The following KDM4C variants were observed in gnomAD, a reference collection of about 807,000 sequenced individuals.
The protein encoded by KDM4C is lysine demethylase 4C.
In KDM4C, 81 loss-of-function variants were observed where a neutral mutation model predicts 129.3. The observed-to-expected ratio is 0.63, with a 90% CI of 0.52 to 0.75. The LOEUF (loss-of-function observed/expected upper bound fraction) is 0.75. KDM4C is among the 30% of genes least tolerant of loss of function. The pLI, the probability that KDM4C is intolerant of heterozygous loss-of-function variation, is 0.00. For missense variants in KDM4C, 1,457 were observed against 1,304.0 expected (o/e 1.12, Z -1.81); for synonymous variants, 573 against 456.1 (o/e 1.26, Z -3.26).
At chr9:6,882,772 T>TTGTGTGTGTGTGTGTGTGTGTG (rs3072026) in intron 6 of KDM4C, among the ~76,000 whole-genome samples, 1 of 149,642 alleles carries the variant, frequency 6.7e-6, no homozygotes, top group Non-Finnish European at 1.5e-5. Context: ...TTTTAAGCAT[T>TTGTGTGTGTGTGTGTGTGTGTG]TGTGTGTGTG....
chr9:7,118,980 C>G (rs994675476), intron 18 of KDM4C, among the ~76,000 whole-genome samples: 2 of 152,174 alleles, frequency 1.3e-5, no homozygotes, highest in Admixed American at 1.3e-4. Flanking sequence ...GCCCTTCCCC[C>G]TGTGCTCTTG....
Position 7,166,202 on chromosome 9 carries a change from G to A in KDM4C, c.2901+845G>A, listed in dbSNP as rs116245393. On this transcript the variant is annotated intron_variant, in intron 20 of 21. Coordinates refer to ENST00000381309, the MANE Select transcript of KDM4C (RefSeq NM_015061.6). ...AAGGAGAAAAAGCAAGAAGGTTCAG[G>A]CCTGTTGAAAAACAGCTTGAGAATG... Among the ~76,000 whole-genome samples, 1,375 of 152,290 alleles carry A rather than the reference G, an allele frequency of 9.0e-3. 21 individuals carry two copies. The highest frequency in any genetic ancestry group is 0.031 in the African/African-American group (1,302 of 41,564).
chr9:6,965,557 C>T (rs1380115916), intron 8 of KDM4C, among the ~76,000 whole-genome samples: 2 of 152,186 alleles, frequency 1.3e-5, no homozygotes, highest in South Asian at 2.1e-4. Context: ...CAAGACTCTG[C>T]AGTCAATAAG....
At chr9:6,876,220 T>C (rs1843533134) in intron 5 of KDM4C, among the ~76,000 whole-genome samples, 1 of 152,184 alleles carries the variant, frequency 6.6e-6, no homozygotes. Context: ...GCTCACCTCA[T>C]TGCCTTGTAG....
At chr9:6,914,450 G>T (rs180933252) in intron 8 of KDM4C, among the ~76,000 whole-genome samples, 1 of 152,164 alleles carries the variant, frequency 6.6e-6, no homozygotes, top group Non-Finnish European at 1.5e-5. Context: ...TTGTAATACC[G>T]TTATGATATG....
At chr9:6,744,461 G>A (rs182383428) in intron 1 of KDM4C, among the ~76,000 whole-genome samples, 3 of 152,224 alleles carry the variant, frequency 2.0e-5, no homozygotes, top group Admixed American at 1.3e-4. Flanking sequence ...GGAGGCGGAG[G>A]TTGCAGTGAG....
chr9:6,794,642 A>G (rs551347846), intron 2 of KDM4C, among the ~76,000 whole-genome samples: 104 of 152,328 alleles, frequency 6.8e-4, no homozygotes, highest in African/African-American at 2.3e-3. Flanking sequence ...TGAAGAGCCA[A>G]TGGTGACCCA....
intron 12 of KDM4C, among the ~76,000 whole-genome samples, chr9:7,000,339 T>C (rs1300188618): frequency 6.6e-6 from 1 of 152,224 alleles, no homozygotes; most frequent in East Asian, 1.9e-4. Context: ...ATGCTGTTGC[T>C]TTCTGTATTT....
intron 12 of KDM4C, among the ~76,000 whole-genome samples, chr9:6,992,609 T>A (rs915581984): frequency 6.6e-6 from 1 of 152,214 alleles, no homozygotes; most frequent in Non-Finnish European, 1.5e-5. Context: ...ACTTGAATGT[T>A]ACCTTAGCCA....
chr9:6,759,435 C>T (rs1193161215), intron 1 of KDM4C, among the ~76,000 whole-genome samples: 3 of 152,164 alleles, frequency 2.0e-5, no homozygotes, highest in Admixed American at 6.5e-5. Context: ...GCGATTATCG[C>T]TTGCTTTCTT....
chr9:7,139,217 A>G (rs1010227655), intron 19 of KDM4C, among the ~76,000 whole-genome samples: 1 of 152,150 alleles, frequency 6.6e-6, no homozygotes, highest in Non-Finnish European at 1.5e-5. Context: ...CGAGGTTGCA[A>G]TGAGCTGAGA....
intron 8 of KDM4C, among the ~76,000 whole-genome samples, chr9:6,922,056 G>A (rs1821621709): frequency 6.6e-6 from 1 of 152,150 alleles, no homozygotes; most frequent in Non-Finnish European, 1.5e-5. Flanking sequence ...ATTCACACCT[G>A]TATGCCCAGT....
intron 19 of KDM4C, among the ~76,000 whole-genome samples, chr9:7,154,750 G>C (rs760148842): frequency 1.3e-5 from 2 of 152,154 alleles, no homozygotes; most frequent in Non-Finnish European, 2.9e-5. Context: ...TATGATTTCT[G>C]TCTTTAATTT....
At chr9:6,845,214 T>C (rs1837637320) in intron 4 of KDM4C, among the ~76,000 whole-genome samples, 1 of 152,046 alleles carries the variant, frequency 6.6e-6, no homozygotes, top group African/African-American at 2.4e-5. Flanking sequence ...TAGGAATGCA[T>C]TGATTGATTG....
chr9:6,884,002 C>T (rs927294165), intron 6 of KDM4C, among the ~76,000 whole-genome samples: 4 of 152,154 alleles, frequency 2.6e-5, no homozygotes, highest in African/African-American at 9.7e-5. Context: ...TGCTAATTAT[C>T]TTGAAATGGA....
intron 8 of KDM4C, among the ~76,000 whole-genome samples, chr9:6,910,130 T>C (rs1589053428): frequency 6.6e-6 from 1 of 152,334 alleles, no homozygotes; most frequent in South Asian, 2.1e-4. Flanking sequence ...GGAAATTTGA[T>C]ACATCTGGTA....
At chr9:7,086,767 C>A (rs550344062) in intron 17 of KDM4C, among the ~76,000 whole-genome samples, 22 of 152,324 alleles carry the variant, frequency 1.4e-4, no homozygotes, top group African/African-American at 3.8e-4. Context: ...CCCATGTACC[C>A]TTTATAAAGA....
intron 1 of KDM4C, among the ~76,000 whole-genome samples, chr9:6,732,329 C>T (rs1817372114): frequency 7.7e-6 from 1 of 129,648 alleles, no homozygotes; most frequent in South Asian, 2.7e-4. Context: ...CATGCCACTG[C>T]ACTCCAGCCT....
chr9:6,875,777 C>A (rs1024806345), intron 5 of KDM4C, among the ~76,000 whole-genome samples: 1 of 152,222 alleles, frequency 6.6e-6, no homozygotes, highest in Non-Finnish European at 1.5e-5. Flanking sequence ...ATTTCTACCC[C>A]CGCTACTTAC....
Sources: allele counts gnomAD v4.1 joint callset (sites outside exome capture counted in the v4.1 genomes callset), GRCh38; gene constraint gnomAD v4.1.1; transcripts MANE v1.5; gene names NCBI Gene and HGNC (gene_info 2026-07-23, HGNC 2026-07-21).